SETD5: variants seen among roughly 807,000 people sequenced by gnomAD.
The protein encoded by SETD5 is histone-lysine N-methyltransferase SETD5.
Under a neutral mutation model 153.3 loss-of-function variants are expected in SETD5, and 44 were observed. That is an observed-to-expected ratio of 0.29 (90% CI 0.23 to 0.37). The LOEUF (loss-of-function observed/expected upper bound fraction) is 0.37, where lower values mean the gene tolerates loss of function less well. Ranked by LOEUF, SETD5 falls within the 10% of genes least tolerant of loss-of-function variation. The pLI, the probability that SETD5 is intolerant of heterozygous loss-of-function variation, is 1.00. For missense variants in SETD5, 1,544 were observed against 1,768.0 expected (o/e 0.87, Z 2.27); for synonymous variants, 716 against 645.2 (o/e 1.11, Z -1.66).
At chr3:9,452,965 T>G (rs1017774990) in intron 16 of SETD5, among the ~76,000 whole-genome samples, 1 of 152,188 alleles carries the variant, frequency 6.6e-6, no homozygotes, top group Non-Finnish European at 1.5e-5. Flanking sequence ...AGAAATTTTC[T>G]GTCTTCCACA....
intron 17 of SETD5, among the ~76,000 whole-genome samples, chr3:9,458,828 T>C (rs1192615467): frequency 6.6e-6 from 1 of 152,144 alleles, no homozygotes; most frequent in Non-Finnish European, 1.5e-5. Flanking sequence ...TTGGTATCTT[T>C]CCTACAGAAA....
rs778779754 is a variant in SETD5, at chr3:9,433,867, C to G, written c.94C>G (p.Pro32Ala). The change falls in exon 4 of 23, where the codon CCA (proline) becomes GCA (alanine). Residue 32 changes from proline (P) to alanine (A), a missense_variant. Pro to Ala is a conservative substitution (Grantham distance 27). Coordinates refer to ENST00000402198, the MANE Select transcript of SETD5 (RefSeq NM_001080517.3). ...GSDPESVEAS[P>A]AVNEKSVYST... ...CAGCCCTGAATCTGTGGAGGCTAGTCCAGCAGTTAATGAGAAGAGCGTGTA... is the reference window on the plus strand; with the variant it reads ...CAGCCCTGAATCTGTGGAGGCTAGTGCAGCAGTTAATGAGAAGAGCGTGTA... 4 of 1,613,764 alleles carry G rather than the reference C, an allele frequency of 2.5e-6. No individual in the cohort carries two copies. In the East Asian group the frequency reaches 6.7e-5, roughly 27 times the overall value.
intron 1 of SETD5, among the ~76,000 whole-genome samples, chr3:9,402,743 G>A (rs529346835): frequency 5.7e-4 from 87 of 152,282 alleles, no homozygotes; most frequent in Middle Eastern, 3.4e-3. Flanking sequence ...ACAAAAAGCG[G>A]TAGCTATAGG....
In SETD5 at chr3:9,428,809, C is replaced by G. The variant is rs2039624463; in HGVS notation, c.-116-14C>G. On this transcript the variant is annotated splice_polypyrimidine_tract_variant and intron_variant, in intron 2 of 22. Coordinates refer to ENST00000402198, the MANE Select transcript of SETD5 (RefSeq NM_001080517.3). ...GGTATTTATTTTACTAGATATTTTC[C>G]TTTTCTGTTACAGGATTCCTCATGT... The G allele has an allele frequency of 2.1e-6, 1 of 487,668 alleles. No homozygotes were observed. The highest frequency in any genetic ancestry group is 3.7e-6 in the Non-Finnish European group (1 of 268,964). The allele number at this position is 487,668 out of a possible 1,614,324, so 30.2% of individuals were successfully genotyped here. A position where few individuals can be genotyped will look rare whatever the true frequency, so the allele number is the denominator to read the frequency against.
intron 2 of SETD5, among the ~76,000 whole-genome samples, chr3:9,428,065 T>C (rs1004544851): frequency 6.6e-5 from 10 of 152,164 alleles, no homozygotes; most frequent in Non-Finnish European, 1.5e-4. Flanking sequence ...TAGTCAACTT[T>C]TTTAGAGCAG....
chr3:9,400,924 A>G (rs1305165537), intron 1 of SETD5, among the ~76,000 whole-genome samples: 1 of 152,188 alleles, frequency 6.6e-6, no homozygotes, highest in East Asian at 1.9e-4. Context: ...CACCAATTAT[A>G]TGCAATACTG....
chr3:9,461,796 ATAGT>A (rs1160383179), intron 17 of SETD5, among the ~76,000 whole-genome samples: 1 of 152,162 alleles, frequency 6.6e-6, no homozygotes, highest in Non-Finnish European at 1.5e-5. Flanking sequence ...ATTGACTTTG[ATAGT>A]TATAGTGTTG....
At chr3:9,400,574 GT>G (rs1391902696) in intron 1 of SETD5, among the ~76,000 whole-genome samples, 61 of 152,272 alleles carry the variant, frequency 4.0e-4, no homozygotes, top group African/African-American at 1.4e-3. Context: ...CCATTTTGGA[GT>G]GGTTTCTAAA....
At position 9,434,755 on chromosome 3, in the gene SETD5, C is replaced by A. The variant is rs372031770; in HGVS notation, c.330-69C>A. On this transcript the variant is annotated intron_variant, in intron 5 of 22. Transcript: ENST00000402198. This position sits in a 1 kb window ranked among gnomAD's most constrained non-coding sequence, Gnocchi z 5.6. Reference sequence around the variant, plus strand: ...GGGGGTAGCATATGCAGAGACACTTCGCCCATGTGTGCTATGATGTGATGC... The same window carrying A: ...GGGGGTAGCATATGCAGAGACACTTAGCCCATGTGTGCTATGATGTGATGC... 8 of 1,532,438 alleles carry A rather than the reference C, an allele frequency of 5.2e-6. No homozygotes were observed. Among genetic ancestry groups the A allele is most frequent in the Non-Finnish European group, 5.3e-6 (6 of 1,135,278 alleles). The allele number at this position is 1,532,438 out of a possible 1,614,324, so 94.9% of individuals were successfully genotyped here.
At chr3:9,469,964 C>CT (rs2045108393) in intron 18 of SETD5, among the ~76,000 whole-genome samples, 1 of 152,156 alleles carries the variant, frequency 6.6e-6, no homozygotes, top group Non-Finnish European at 1.5e-5. Context: ...AAGTACTTGC[C>CT]TTTCCGTCTA....
At position 9,437,988 on chromosome 3, in the gene SETD5, GC is replaced by G. The variant is rs532151391; in HGVS notation, c.567+2083del. ...ACTGCACTCCAGCCTGGGCAACAGA[GC>G]AAGACTCCATCTCAAAAAAAAAAAA... On this transcript the variant is annotated intron_variant, in intron 7 of 22. Transcript: ENST00000402198. Among the ~76,000 whole-genome samples the G allele has an allele frequency of 4.0e-4, 59 of 147,304 alleles. 1 individual carries two copies. Among genetic ancestry groups the G allele is most frequent in the African/African-American group, 1.3e-3 (51 of 38,610 alleles).
At chr3:9,415,803 A>G (rs1364775012) in intron 1 of SETD5, among the ~76,000 whole-genome samples, 2 of 150,040 alleles carry the variant, frequency 1.3e-5, no homozygotes, top group Admixed American at 1.3e-4. Flanking sequence ...GCCTCAAGTG[A>G]TTCTCCTAAG....
intron 3 of SETD5, chr3:9,431,302 G>A (rs1226439481): frequency 1.0e-6 from 1 of 985,258 alleles, no homozygotes; most frequent in African/African-American, 1.7e-5. Flanking sequence ...GTTGTACTTA[G>A]AACACTGTTG....
intron 19 of SETD5, 86 bp from the exon 20 acceptor site, chr3:9,473,150 C>G: frequency 6.9e-7 from 1 of 1,455,416 alleles, no homozygotes. Context: ...AAGGTACCAT[C>G]TTTCCTTCTT....
chr3:9,445,980 T>TG (rs2041926987), intron 13 of SETD5, among the ~76,000 whole-genome samples: 3 of 147,580 alleles, frequency 2.0e-5, no homozygotes, highest in Admixed American at 2.0e-4. Context: ...TTTTTTTTTT[T>TG]TTTTTTTTAC....
chr3:9,417,937 GT>G (rs1314029998), intron 1 of SETD5, among the ~76,000 whole-genome samples: 2 of 141,240 alleles, frequency 1.4e-5, no homozygotes, highest in African/African-American at 5.1e-5. Flanking sequence ...TAGAACAAGA[GT>G]TTTGTTTTTT....
chr3:9,424,082 G>A (rs955753107), intron 1 of SETD5, among the ~76,000 whole-genome samples: 1 of 152,122 alleles, frequency 6.6e-6, no homozygotes, highest in Non-Finnish European at 1.5e-5. Context: ...TCGGACATCG[G>A]GTTAAAGAAA....
rs549527839 is a variant in SETD5 at position 9,452,611 on chromosome 3, A to G, written c.2347-1128A>G. ...CAAGTGTTTACAGGTTTACAGTTTC[A>G]GTTTTGCTTTCATTTGGCCAGCCAC... On this transcript the variant is annotated intron_variant, in intron 16 of 22. Transcript: ENST00000402198. Among the ~76,000 whole-genome samples, 4 of 138,266 alleles carry G rather than the reference A, an allele frequency of 2.9e-5. No homozygotes were observed. The East Asian group carries it at 8.1e-4, about 28-fold the overall frequency. The allele number at this position is 138,266 out of a possible 152,430, so 90.7% of individuals were successfully genotyped here.
At chr3:9,433,285 A>G (rs2040184841) in intron 3 of SETD5, 1 of 901,328 alleles carries the variant, frequency 1.1e-6, no homozygotes. Flanking sequence ...TTATTACTCT[A>G]ATATTTGAAA....
Sources: gnomAD v4.1 joint callset for allele counts (sites outside exome capture counted in the v4.1 genomes callset) on GRCh38, gnomAD v4.1.1 for gene constraint, Gnocchi (gnomAD v3.1) non-coding constraint, MANE v1.5 for transcripts, NCBI Gene and HGNC (gene_info 2026-07-23, HGNC 2026-07-21) for gene names.